NRXN3: variants seen among roughly 807,000 people sequenced by gnomAD.
NRXN3 encodes the protein neurexin III.
NRXN3 carries 32 observed loss-of-function variants against 137.6 expected under a neutral mutation model. The observed-to-expected ratio is 0.23, with a 90% CI of 0.18 to 0.31. The LOEUF is 0.31. Ranked by LOEUF, NRXN3 falls within the 10% of genes least tolerant of loss-of-function variation. NRXN3 has a pLI of 1.00. For missense variants in NRXN3, 1,574 were observed against 2,062.5 expected (o/e 0.76, Z 4.59); for synonymous variants, 798 against 784.5 (o/e 1.02, Z -0.29).
intron 4 of NRXN3, among the ~76,000 whole-genome samples, chr14:78,345,617 C>T (rs1482296613): frequency 3.3e-5 from 5 of 152,044 alleles, no homozygotes; most frequent in Admixed American, 2.6e-4. Flanking sequence ...TCTCTCCTCC[C>T]CTCTCTTTTA....
At chr14:79,703,082 T>C (rs2098761629) in intron 19 of NRXN3, among the ~76,000 whole-genome samples, 2 of 152,062 alleles carry the variant, frequency 1.3e-5, no homozygotes, top group African/African-American at 4.8e-5. Context: ...TGCCAGAAAA[T>C]CACAATGCTC....
chr14:78,913,678 T>C (rs1228552766), intron 10 of NRXN3, among the ~76,000 whole-genome samples: 1 of 152,134 alleles, frequency 6.6e-6, no homozygotes, highest in Non-Finnish European at 1.5e-5. Flanking sequence ...AACCATGAGG[T>C]TTAAAGTTTC....
chr14:78,717,921 A>G (rs771590082), intron 8 of NRXN3, among the ~76,000 whole-genome samples: 4 of 152,182 alleles, frequency 2.6e-5, no homozygotes, highest in African/African-American at 4.8e-5. Flanking sequence ...CCACTTCTAT[A>G]TGGAAGGAGT....
chr14:78,529,830 A>G (rs147192562), intron 4 of NRXN3, among the ~76,000 whole-genome samples: 45 of 152,284 alleles, frequency 3.0e-4, no homozygotes, highest in Non-Finnish European at 6.0e-4. Flanking sequence ...TTGCTACCAC[A>G]TGGCCTTTTG....
chr14:78,860,559 A>G (rs1419022157), intron 10 of NRXN3, among the ~76,000 whole-genome samples: 2 of 152,156 alleles, frequency 1.3e-5, no homozygotes, highest in African/African-American at 4.8e-5. Context: ...TAGAATTGTC[A>G]CTTTAGGTTA....
chr14:78,244,529 C>T (rs530262315), intron 2 of NRXN3, among the ~76,000 whole-genome samples: 33 of 152,286 alleles, frequency 2.2e-4, no homozygotes, highest in African/African-American at 7.7e-4. Context: ...GGGAAACTCC[C>T]CATCACTTCC....
chr14:78,236,035 A>T (rs939433508), intron 1 of NRXN3, among the ~76,000 whole-genome samples: 8 of 152,214 alleles, frequency 5.3e-5, no homozygotes, highest in Non-Finnish European at 1.2e-4. Context: ...ACTAGTAATA[A>T]TTTTCTTTAA....
At chr14:78,498,337 G>A (rs1035724421) in intron 4 of NRXN3, among the ~76,000 whole-genome samples, 1 of 152,166 alleles carries the variant, frequency 6.6e-6, no homozygotes. Flanking sequence ...TTCTTACTGG[G>A]ACTGGCTCTT....
intron 6 of NRXN3, among the ~76,000 whole-genome samples, chr14:78,707,629 T>G (rs2152825833): frequency 6.6e-6 from 1 of 152,286 alleles, no homozygotes; most frequent in Middle Eastern, 3.4e-3. Flanking sequence ...TAAGTGGTTA[T>G]TTGTGCGATT....
chr14:79,115,243 T>A (rs1335735066), intron 15 of NRXN3, among the ~76,000 whole-genome samples: 1 of 150,068 alleles, frequency 6.7e-6, no homozygotes, highest in East Asian at 2.0e-4. Context: ...GAGAATCGCT[T>A]GAACCTGGGA....
At chr14:78,814,590 G>A (rs1408675638) in intron 10 of NRXN3, among the ~76,000 whole-genome samples, 2 of 152,176 alleles carry the variant, frequency 1.3e-5, no homozygotes, top group Non-Finnish European at 2.9e-5. Context: ...ACTCCAGCCT[G>A]GCGACTGAGC....
At chr14:78,582,813 G>A (rs1454822632) in intron 4 of NRXN3, among the ~76,000 whole-genome samples, 2 of 152,188 alleles carry the variant, frequency 1.3e-5, no homozygotes, top group Admixed American at 1.3e-4. Context: ...AATGCATGAT[G>A]TAGAAAGTAA....
chr14:79,400,692 A>G (rs531365294), intron 15 of NRXN3, among the ~76,000 whole-genome samples: 9 of 152,306 alleles, frequency 5.9e-5, no homozygotes, highest in South Asian at 2.1e-4. Flanking sequence ...TTCCAGATCT[A>G]TATACTGTAT....
At chr14:79,323,564 T>C (rs2090389378) in intron 15 of NRXN3, among the ~76,000 whole-genome samples, 1 of 152,186 alleles carries the variant, frequency 6.6e-6, no homozygotes, top group Admixed American at 6.5e-5. Context: ...TTGTTTTTAA[T>C]ATTTTATATA....
chr14:79,048,863 A>C (rs1426519975), intron 15 of NRXN3, among the ~76,000 whole-genome samples: 1 of 148,726 alleles, frequency 6.7e-6, no homozygotes, highest in Non-Finnish European at 1.5e-5. Flanking sequence ...TCTCTACTAA[A>C]AATACAAAAA....
chr14:79,817,953 A>C (rs2099256780), intron 20 of NRXN3, among the ~76,000 whole-genome samples: 1 of 152,048 alleles, frequency 6.6e-6, no homozygotes, highest in Non-Finnish European at 1.5e-5. Context: ...GTTTCCCATA[A>C]GGAGGAATGA....
intron 10 of NRXN3, among the ~76,000 whole-genome samples, chr14:78,935,305 A>G (rs2152886791): frequency 6.6e-6 from 1 of 152,306 alleles, no homozygotes; most frequent in South Asian, 2.1e-4. Flanking sequence ...TACAGCCCTA[A>G]CCTGCTGCAT....
Position 79,695,141 on chromosome 14 carries a change from G to A in NRXN3, c.3707-2489G>A, listed in dbSNP as rs117207456. Among the ~76,000 whole-genome samples the A allele has an allele frequency of 1.4e-4, 22 of 152,034 alleles. No homozygotes were observed. The East Asian group carries it at 4.1e-3, about 28-fold the overall frequency. ...GTCTTGAACAGGCAAAGAGCACTTT[G>A]TGGAGTGAATGATGGCAACTGGAAT... On this transcript the variant is annotated intron_variant, in intron 18 of 20. Coordinates refer to ENST00000335750, the MANE Select transcript of NRXN3 (RefSeq NM_001330195.2).
At chr14:79,157,420 G>T (rs770703630) in intron 15 of NRXN3, among the ~76,000 whole-genome samples, 1 of 151,756 alleles carries the variant, frequency 6.6e-6, no homozygotes, top group Non-Finnish European at 1.5e-5. Context: ...GGACAAAGCT[G>T]GGATTGCTTT....
Sources: allele counts gnomAD v4.1 joint callset (sites outside exome capture counted in the v4.1 genomes callset), GRCh38; gene constraint gnomAD v4.1.1; transcripts MANE v1.5; gene names NCBI Gene and HGNC (gene_info 2026-07-23, HGNC 2026-07-21).